RBMS2: variants seen among roughly 807,000 people sequenced by gnomAD.
RBMS2 encodes the protein RNA-binding motif, single-stranded-interacting protein 2.
Under a neutral mutation model 58.4 loss-of-function variants are expected in RBMS2, and 38 were observed. The ratio of observed to expected loss-of-function variants is 0.65; its 90% confidence interval spans 0.50 to 0.85. RBMS2 has a LOEUF of 0.85. Ranked by LOEUF, RBMS2 falls within the 40% of genes least tolerant of loss-of-function variation. RBMS2 has a pLI of 0.00. For synonymous variants in RBMS2, 151 were observed against 180.7 expected, an observed-to-expected ratio of 0.84 and a Z score of 1.32; for missense variants, 367 against 503.7, an observed-to-expected ratio of 0.73 and a Z score of 2.60.
At chr12:56,563,204 T>C (rs750265711) in intron 2 of RBMS2, among the ~76,000 whole-genome samples, 1 of 152,198 alleles carries the variant, frequency 6.6e-6, no homozygotes, top group Admixed American at 6.6e-5. Context: ...GGAAAGCCAG[T>C]GTGGGACTGG....
intron 5 of RBMS2, among the ~76,000 whole-genome samples, chr12:56,576,914 A>G (rs1263823408): frequency 6.6e-6 from 1 of 150,932 alleles, no homozygotes; most frequent in Non-Finnish European, 1.5e-5. Context: ...GTTGGTGGGC[A>G]CCTGTAATTC....
rs1885733746 is a variant in RBMS2 at position 56,595,821 on chromosome 12, G to GC, written c.*6692dup. ...TCCACACAGAGGGTATGGAACAGGA[G>GC]CCCCTGTTGTTCCCTTGCCTGTGGT... is the stretch of plus-strand genomic sequence containing the variant. On this transcript the variant is annotated 3_prime_UTR_variant, in exon 14 of 14. Coordinates refer to ENST00000262031, the MANE Select transcript of RBMS2 (RefSeq NM_002898.4). 6.6e-6 allele frequency: 1 copy of GC among 152,552 alleles called. No homozygotes were observed. Among genetic ancestry groups the GC allele is most frequent in the Admixed American group, 6.6e-5 (1 of 15,248 alleles). 9.4% of individuals were successfully genotyped at this position (152,552 alleles called of 1,614,324 possible).
intron 1 of RBMS2, among the ~76,000 whole-genome samples, chr12:56,526,634 A>G (rs1389697319): frequency 6.9e-6 from 1 of 145,174 alleles, no homozygotes; most frequent in Non-Finnish European, 1.5e-5. Context: ...TTTTTTAAAC[A>G]TCAGTTTTAA....
intron 1 of RBMS2, among the ~76,000 whole-genome samples, chr12:56,530,396 T>C (rs1873513801): frequency 7.0e-6 from 1 of 143,228 alleles, no homozygotes; most frequent in South Asian, 2.4e-4. Flanking sequence ...GGTTTTGCTC[T>C]GTTGCCCAGG....
intron 1 of RBMS2, among the ~76,000 whole-genome samples, chr12:56,543,942 A>G (rs899238778): frequency 1.3e-5 from 2 of 149,844 alleles, no homozygotes; most frequent in Non-Finnish European, 3.0e-5. Context: ...TGCTGGGATT[A>G]TAGGTGTGAG....
intron 1 of RBMS2, among the ~76,000 whole-genome samples, chr12:56,550,842 A>C (rs1878128688): frequency 6.7e-6 from 1 of 149,638 alleles, no homozygotes; most frequent in African/African-American, 2.4e-5. Context: ...ACTCTGTATC[A>C]AAAAAATAAA....
chr12:56,574,778 G>C (rs1426717268), intron 5 of RBMS2, among the ~76,000 whole-genome samples: 1 of 152,192 alleles, frequency 6.6e-6, no homozygotes, highest in Non-Finnish European at 1.5e-5. Flanking sequence ...AAATAAAACT[G>C]TTACTTCGTT....
chr12:56,520,779 C>G (rs986680551), upstream of RBMS2, among the ~76,000 whole-genome samples: 6 of 151,964 alleles, frequency 3.9e-5, no homozygotes, highest in African/African-American at 1.5e-4. Flanking sequence ...GCAGACATCC[C>G]AACTGTAGAC....
intron 2 of RBMS2, among the ~76,000 whole-genome samples, chr12:56,564,448 A>C (rs958074362): frequency 6.6e-6 from 1 of 152,056 alleles, no homozygotes; most frequent in African/African-American, 2.4e-5. Flanking sequence ...AACTAACTGT[A>C]GCCTCCAGGG....
At chr12:56,571,594 AC>A in intron 4 of RBMS2, 103 bp from the exon 5 acceptor site, 2 of 1,249,918 alleles carry the variant, frequency 1.6e-6, no homozygotes, top group Non-Finnish European at 2.2e-6. Flanking sequence ...TTTATGTGGG[AC>A]CCTTCCTATA....
At chr12:56,533,408 C>CTTTTTTTTTTTTTTTTTTTTTTT (rs1164155079) in intron 1 of RBMS2, among the ~76,000 whole-genome samples, 1 of 65,310 alleles carries the variant, frequency 1.5e-5, no homozygotes, top group African/African-American at 6.7e-5. Flanking sequence ...AGCCCTATTA[C>CTTTTTTTTTTTTTTTTTTTTTTT]TTTTTTTTTT....
chr12:56,528,249 C>CA (rs35558222), intron 1 of RBMS2, among the ~76,000 whole-genome samples: 82,686 of 135,462 alleles, frequency 0.61, 25,198 homozygotes, highest in East Asian at 0.75. Context: ...GACCATGTAT[C>CA]AAAAAAAAAA....
intron 3 of RBMS2, 129 bp downstream of exon 3, chr12:56,569,162 A>C (rs1367093479): frequency 1.2e-6 from 1 of 816,950 alleles, no homozygotes; most frequent in Non-Finnish European, 1.9e-6. Flanking sequence ...TTTAGGCTTA[A>C]AAGATTAGGA....
At chr12:56,575,566 C>G (rs1388130126) in intron 5 of RBMS2, among the ~76,000 whole-genome samples, 2 of 151,128 alleles carry the variant, frequency 1.3e-5, no homozygotes, top group Admixed American at 6.6e-5. Flanking sequence ...TACACCCCCC[C>G]TCAAAAAAAA....
intron 1 of RBMS2, among the ~76,000 whole-genome samples, chr12:56,561,329 A>AG (rs1880352136): frequency 6.6e-6 from 1 of 152,166 alleles, no homozygotes; most frequent in Non-Finnish European, 1.5e-5. Context: ...TAGGTCTTTG[A>AG]GGAATCACTA....
At chr12:56,564,120 GT>G (rs967702736) in intron 2 of RBMS2, among the ~76,000 whole-genome samples, 82 of 143,660 alleles carry the variant, frequency 5.7e-4, no homozygotes, top group African/African-American at 1.6e-3. Flanking sequence ...GCTAATTTTT[GT>G]TTTTTTTTTT....
chr12:56,591,761 CTTCT>C lies in RBMS2; in HGVS notation c.*2633_*2636del, dbSNP rs980266888. On this transcript the variant is annotated 3_prime_UTR_variant, in exon 14 of 14. Transcript: ENST00000262031. Reference sequence around the variant, plus strand: ...TGCCTCACAGAACTCCTGATTCTGTCTTCTTTCTCTCTCTATATATATATTTTAA... The same window carrying C: ...TGCCTCACAGAACTCCTGATTCTGTCTTCTCTCTCTATATATATATTTTAA... The C allele has an allele frequency of 2.0e-5, 3 of 150,380 alleles. No homozygotes were observed. The highest frequency in any genetic ancestry group is 2.1e-4 in the South Asian group (1 of 4,752). 9.3% of individuals were successfully genotyped at this position (150,380 alleles called of 1,614,324 possible). A position where few individuals can be genotyped will look rare whatever the true frequency, so the allele number is the denominator to read the frequency against.
At position 56,560,048 on chromosome 12, in the gene RBMS2, C is replaced by G. The variant is rs191169308; in HGVS notation, c.67-2369C>G. ...TAGCTGGGATTACAGGCATGTGCCACCACGCCTGACTAATGTTTGTATTTT... is the reference window on the plus strand; with the variant it reads ...TAGCTGGGATTACAGGCATGTGCCAGCACGCCTGACTAATGTTTGTATTTT... On this transcript the variant is annotated intron_variant, in intron 1 of 13. Coordinates refer to ENST00000262031, the MANE Select transcript of RBMS2 (RefSeq NM_002898.4). Among the ~76,000 whole-genome samples, 176 of 151,814 alleles carry G rather than the reference C, an allele frequency of 1.2e-3. 5 individuals carry two copies. Among genetic ancestry groups the G allele is most frequent in the Admixed American group, 9.4e-3 (143 of 15,240 alleles).
chr12:56,549,550 G>A (rs565855899), intron 1 of RBMS2, among the ~76,000 whole-genome samples: 1 of 152,052 alleles, frequency 6.6e-6, no homozygotes, highest in Non-Finnish European at 1.5e-5. Flanking sequence ...AGGGGAATTC[G>A]ATTTTTCTTT....
Sources: gnomAD v4.1 joint callset for allele counts (sites outside exome capture counted in the v4.1 genomes callset) on GRCh38, gnomAD v4.1.1 for gene constraint, MANE v1.5 for transcripts, NCBI Gene and HGNC (gene_info 2026-07-23, HGNC 2026-07-21) for gene names.